Variants in SAMD7 observed in about 807,000 individuals in gnomAD.
SAMD7 encodes sterile alpha motif domain containing 7, also known as sterile alpha motif domain-containing protein 7.
Under a neutral mutation model 36.7 loss-of-function variants are expected in SAMD7, and 34 were observed. That is an observed-to-expected ratio of 0.93 (90% CI 0.71 to 1.23). SAMD7 has a LOEUF of 1.23. Ranked by LOEUF, SAMD7 falls within the 50% of genes most tolerant of loss-of-function variation. The pLI is 0.00. For missense variants in SAMD7, 570 were observed against 546.6 expected (o/e 1.04, Z -0.43); for synonymous variants, 188 against 189.7 (o/e 0.99, Z 0.07).
chr3:169,911,947 C>G (rs186024438), intron 1 of SAMD7, 126 bp downstream of exon 1: 44 of 152,312 alleles, frequency 2.9e-4, no homozygotes, highest in Admixed American at 6.5e-4. Context: ...TATGTGTAGA[C>G]TTTACTGGCT....
chr3:169,928,189 A>G (rs1025652336), intron 6 of SAMD7, among the ~76,000 whole-genome samples: 1 of 152,228 alleles, frequency 6.6e-6, no homozygotes, highest in Non-Finnish European at 1.5e-5. Flanking sequence ...AATAGAATCC[A>G]TGGGGCATTT....
chr3:169,922,507 T>C (rs114316290), intron 4 of SAMD7, among the ~76,000 whole-genome samples: 1 of 152,102 alleles, frequency 6.6e-6, no homozygotes, highest in African/African-American at 2.4e-5. Flanking sequence ...TTTGTTGTTG[T>C]TGTTTGTTTG....
chr3:169,923,482 G>T (rs1713132988), intron 4 of SAMD7, among the ~76,000 whole-genome samples: 1 of 152,220 alleles, frequency 6.6e-6, no homozygotes, highest in Admixed American at 6.5e-5. Context: ...GGTGGCTCAT[G>T]CCTATAATCC....
chr3:169,935,570 G>T (rs572806636), intron 7 of SAMD7, among the ~76,000 whole-genome samples: 1 of 152,074 alleles, frequency 6.6e-6, no homozygotes, highest in Non-Finnish European at 1.5e-5. Flanking sequence ...ATGAGGGAAG[G>T]CTCTGCCTAC....
chr3:169,921,288 T>A lies in SAMD7; in HGVS notation c.161T>A (p.Val54Asp), dbSNP rs1250341941. Residue 54 changes from valine (V) to aspartate (D), a missense_variant, in exon 4 of 9, where the codon GTT becomes GAT. Physicochemically the swap from Val to Asp is radical, Grantham distance 152. Coordinates refer to ENST00000335556, the MANE Select transcript of SAMD7 (RefSeq NM_001304366.2). ...FCVPSQFGSS[V>D]LPNTNMANVL... ...GTTCCTTCCCAATTTGGATCCTCTG[T>A]TCTACCAAACACAAATATGGCAAAT... The A allele has an allele frequency of 6.2e-7, 1 of 1,614,168 alleles. No homozygotes were observed. The highest frequency in any genetic ancestry group is 8.5e-7 in the Non-Finnish European group (1 of 1,179,980).
intron 7 of SAMD7, among the ~76,000 whole-genome samples, chr3:169,935,061 C>T (rs555566144): frequency 9.2e-5 from 14 of 152,222 alleles, no homozygotes; most frequent in Non-Finnish European, 1.6e-4. Context: ...TGAGGAAAGC[C>T]GGCTTAATGG....
In SAMD7 at chr3:169,915,573, A is replaced by ATTTT. The variant is rs59645657; in HGVS notation, c.-42+157_-42+160dup. Reference sequence around the variant, plus strand: ...ATACAAGCTGAGCCATATATATATAATTTTTTTTTTTTTTTTTTTTTTTTT... The same window carrying ATTTT: ...ATACAAGCTGAGCCATATATATATAATTTTTTTTTTTTTTTTTTTTTTTTTTTTT... On this transcript the variant is annotated intron_variant, in intron 2 of 8. Transcript: ENST00000335556. 219 of 59,580 alleles carry ATTTT rather than the reference A, an allele frequency of 3.7e-3. 11 individuals are homozygous for ATTTT. Among genetic ancestry groups the ATTTT allele is most frequent in the African/African-American group, 0.013 (194 of 14,846 alleles). 3.7% of individuals were successfully genotyped at this position (59,580 alleles called of 1,614,324 possible).
chr3:169,928,773 G>A (rs1713373328), intron 7 of SAMD7, among the ~76,000 whole-genome samples, 195 bp downstream of exon 7: 1 of 152,148 alleles, frequency 6.6e-6, no homozygotes, highest in African/African-American at 2.4e-5. Context: ...CCAGCATCAG[G>A]GGAGGCTGGG....
chr3:169,919,971 G>A (rs538455625), intron 3 of SAMD7, among the ~76,000 whole-genome samples: 15 of 152,174 alleles, frequency 9.9e-5, no homozygotes, highest in Non-Finnish European at 1.9e-4. Context: ...TCAGGAGTTT[G>A]AGACCAGCCT....
At chr3:169,930,429 C>T (rs1713437823) in intron 7 of SAMD7, among the ~76,000 whole-genome samples, 1 of 152,144 alleles carries the variant, frequency 6.6e-6, no homozygotes, top group Admixed American at 6.5e-5. Context: ...CAGCTATGCT[C>T]TGTGATGTTA....
rs557321557 is a variant in SAMD7 at position 169,921,895 on chromosome 3, G to A, written c.211+557G>A. On this transcript the variant is annotated intron_variant, in intron 4 of 8. Transcript: ENST00000335556. ...GATTATGACAGCTTGGTCATGGATG[G>A]TGGCAGTAGGAATAATAAAGAGTGG... 2.8e-4 allele frequency among the ~76,000 whole-genome samples: 43 copies of A among 152,310 alleles called. 1 individual carries two copies. Among genetic ancestry groups the A allele is most frequent in the African/African-American group, 9.9e-4 (41 of 41,558 alleles).
At chr3:169,924,694 A>G (rs1284887738) in intron 4 of SAMD7, among the ~76,000 whole-genome samples, 2 of 152,260 alleles carry the variant, frequency 1.3e-5, no homozygotes, top group African/African-American at 4.8e-5. Context: ...GTATATACAT[A>G]TATCAAAACA....
At chr3:169,919,076 G>A (rs191700890) in intron 2 of SAMD7, among the ~76,000 whole-genome samples, 23 of 152,270 alleles carry the variant, frequency 1.5e-4, no homozygotes, top group East Asian at 3.9e-4. Flanking sequence ...AACCCGGGAG[G>A]CGGAGGTTGC....
chr3:169,920,948 AT>A (rs1713016854), intron 3 of SAMD7, among the ~76,000 whole-genome samples: 1 of 152,098 alleles, frequency 6.6e-6, no homozygotes, highest in East Asian at 1.9e-4. Flanking sequence ...TTATTTAAAT[AT>A]TTTTTCTAGA....
rs755988273 is a variant in SAMD7, at chr3:169,926,829, G to C, written c.567G>C (p.Gly189=). 7 of 1,613,756 alleles carry C rather than the reference G, an allele frequency of 4.3e-6. No individual in the cohort carries two copies. Among genetic ancestry groups the C allele is most frequent in the Non-Finnish European group, 5.9e-6 (7 of 1,179,966 alleles). ...QRCRRLRKNT[G]NQKALDSDAE... ...GTCGTCGACTCAGGAAAAATACAGG[G>C]AATCAAAAAGCTCTAGACAGTGATG... Residue 189 remains glycine (G), a synonymous_variant, in exon 6 of 9, where the codon GGG becomes GGC. Transcript: ENST00000335556.
chr3:169,921,968 C>T (rs1057193088), intron 4 of SAMD7, among the ~76,000 whole-genome samples: 1 of 152,118 alleles, frequency 6.6e-6, no homozygotes, highest in African/African-American at 2.4e-5. Context: ...GATTTTCTCA[C>T]AGTGTGTATG....
At chr3:169,927,805 C>T (rs1218094907) in intron 6 of SAMD7, among the ~76,000 whole-genome samples, 1 of 152,068 alleles carries the variant, frequency 6.6e-6, no homozygotes, top group Non-Finnish European at 1.5e-5. Context: ...TTCATTTCTT[C>T]AACAAAGCAG....
chr3:169,915,977 A>G (rs1200871066), intron 2 of SAMD7, among the ~76,000 whole-genome samples: 1 of 152,230 alleles, frequency 6.6e-6, no homozygotes, highest in Admixed American at 6.5e-5. Flanking sequence ...TGGCATACGC[A>G]TAATCCATGA....
intron 4 of SAMD7, 145 bp downstream of exon 4, chr3:169,921,483 G>C (rs1424734978): frequency 1.4e-6 from 1 of 739,822 alleles, no homozygotes; most frequent in Non-Finnish European, 2.2e-6. Context: ...CACCACCTAG[G>C]TTCAGATCAT....
Sources: allele counts gnomAD v4.1 joint callset (sites outside exome capture counted in the v4.1 genomes callset), GRCh38; gene constraint gnomAD v4.1.1; transcripts MANE v1.5; gene names NCBI Gene and HGNC (gene_info 2026-07-23, HGNC 2026-07-21).